Variants in IGSF11 observed in about 807,000 individuals in gnomAD.
IGSF11 encodes immunoglobulin superfamily member 11.
A neutral mutation model predicts 41.0 loss-of-function variants in IGSF11; 22 were observed. That is an observed-to-expected ratio of 0.54 (90% confidence interval 0.38 to 0.77). The LOEUF (loss-of-function observed/expected upper bound fraction) is 0.77. Among genes scored for constraint, IGSF11 ranks in the 30% least tolerant of loss-of-function variants. The pLI is 0.00. For synonymous variants in IGSF11, 219 were observed against 201.3 expected (o/e 1.09, Z -0.74); for missense variants, 444 against 530.8 (o/e 0.84, Z 1.61).
rs764581994 is a variant in IGSF11 at position 119,056,966 on chromosome 3, T to C, written c.49+48178A>G. Among the ~76,000 whole-genome samples the C allele has an allele frequency of 2.5e-4, 38 of 152,164 alleles. 1 individual carries two copies. The highest frequency in any genetic ancestry group is 4.9e-4 in the Non-Finnish European group (33 of 68,036). The stretch of plus-strand genomic sequence containing the variant: ...CTCAATAAATTAGGTATTGATGGGA[T>C]ATATCTCAAAATAATAAGAGCTATC... On this transcript the variant is annotated intron_variant, in intron 1 of 6. Coordinates refer to the IGSF11 transcript ENST00000354673.
In IGSF11 at chr3:119,034,829, C is replaced by T; in HGVS notation, c.-247G>A. On this transcript the variant is annotated 5_prime_UTR_variant, in exon 1 of 7. Transcript: ENST00000393775. The stretch of plus-strand genomic sequence containing the variant: ...TTCCGGGCTCGCCAGCCGTGCCACC[C>T]AGCCCTGCCCCAGGACTAGCCGACC... 1.6e-6 allele frequency: 2 copies of T among 1,247,804 alleles called. No individual in the cohort carries two copies. Among genetic ancestry groups the T allele is most frequent in the Non-Finnish European group, 1.0e-6 (1 of 995,496 alleles). 77.3% of individuals were successfully genotyped at this position (1,247,804 alleles called of 1,614,324 possible).
chr3:119,082,547 T>C (rs531264205), intron 1 of IGSF11, among the ~76,000 whole-genome samples: 6 of 152,260 alleles, frequency 3.9e-5, no homozygotes, highest in South Asian at 2.1e-4. Context: ...ATCAATACAA[T>C]AACATGTTTT....
intron 1 of IGSF11, among the ~76,000 whole-genome samples, chr3:119,009,384 A>C (rs867736549): frequency 7.2e-5 from 11 of 152,152 alleles, no homozygotes; most frequent in Admixed American, 6.5e-4. Context: ...CCACGTGTCA[A>C]GGGAGGGACC....
At chr3:118,927,704 G>C (rs1316304984) in intron 3 of IGSF11, among the ~76,000 whole-genome samples, 1 of 152,156 alleles carries the variant, frequency 6.6e-6, no homozygotes, top group African/African-American at 2.4e-5. Context: ...GGAGAATCAA[G>C]AACATCAACC....
intron 1 of IGSF11, among the ~76,000 whole-genome samples, chr3:119,004,719 T>C (rs1384782943): frequency 6.7e-6 from 1 of 148,638 alleles, no homozygotes; most frequent in African/African-American, 2.5e-5. Flanking sequence ...TTTCGTTATG[T>C]ACCCAGTAGT....
At chr3:119,127,396 G>A (rs1285486916) in intron 1 of IGSF11, among the ~76,000 whole-genome samples, 10 of 151,880 alleles carry the variant, frequency 6.6e-5, no homozygotes, top group Non-Finnish European at 8.8e-5. Flanking sequence ...CCAAATCTAC[G>A]ATTGATTGGA....
rs540914169 is a variant in IGSF11 at position 119,047,245 on chromosome 3, G to T, written c.49+57899C>A. Among the ~76,000 whole-genome samples, 636 of 151,920 alleles carry T rather than the reference G, an allele frequency of 4.2e-3. 4 individuals carry two copies. The highest frequency in any genetic ancestry group is 0.015 in the African/African-American group (608 of 41,380). ...AGACCCATCAGTGTGCTGTATTCAG[G>T]AAACCCATCTCATGTGCAGAGACAC... On this transcript the variant is annotated intron_variant, in intron 1 of 6. Coordinates refer to the IGSF11 transcript ENST00000354673.
chr3:119,144,115 A>G (rs948594489), intron 1 of IGSF11, among the ~76,000 whole-genome samples: 23 of 151,770 alleles, frequency 1.5e-4, no homozygotes, highest in African/African-American at 5.6e-4. Flanking sequence ...GCAGTGGCAC[A>G]ATCATGGCTC....
intron 1 of IGSF11, among the ~76,000 whole-genome samples, chr3:119,056,907 T>C (rs1941863753): frequency 6.6e-6 from 1 of 152,152 alleles, no homozygotes; most frequent in African/African-American, 2.4e-5. Context: ...AAAAGGCCTT[T>C]GACAAAATTC....
At chr3:119,124,353 A>C (rs1247048311) in intron 1 of IGSF11, among the ~76,000 whole-genome samples, 1 of 124,010 alleles carries the variant, frequency 8.1e-6, no homozygotes, top group African/African-American at 3.2e-5. Context: ...TGCAACCTCC[A>C]CCTCCCGGGT....
At chr3:119,096,559 C>T (rs950552464) in intron 1 of IGSF11, among the ~76,000 whole-genome samples, 9 of 152,312 alleles carry the variant, frequency 5.9e-5, no homozygotes, top group Middle Eastern at 3.4e-3. Context: ...TCTGAATCTT[C>T]TTGCAGATTA....
At chr3:118,927,163 C>T (rs1942399355) in intron 3 of IGSF11, among the ~76,000 whole-genome samples, 1 of 151,988 alleles carries the variant, frequency 6.6e-6, no homozygotes, top group East Asian at 1.9e-4. Flanking sequence ...TTAGAGAATC[C>T]TAACTACTGC....
intron 1 of IGSF11, among the ~76,000 whole-genome samples, chr3:119,022,672 C>A (rs1315019380): frequency 6.6e-6 from 1 of 152,116 alleles, no homozygotes; most frequent in Non-Finnish European, 1.5e-5. Context: ...CATACACACA[C>A]AGACACAATG....
At chr3:119,013,359 A>C (rs1938347274) in intron 1 of IGSF11, 1 of 152,228 alleles carries the variant, frequency 6.6e-6, no homozygotes, top group Non-Finnish European at 1.5e-5. Flanking sequence ...TTCCTCACAA[A>C]ACTCACACTC....
At chr3:119,005,126 G>C (rs560033402) in intron 1 of IGSF11, among the ~76,000 whole-genome samples, 27 of 148,068 alleles carry the variant, frequency 1.8e-4, no homozygotes, top group Admixed American at 1.5e-3. Flanking sequence ...CTCAGGACTT[G>C]CTTTATGAAT....
chr3:118,934,074 C>T (rs908246454), intron 1 of IGSF11, among the ~76,000 whole-genome samples: 28 of 152,188 alleles, frequency 1.8e-4, no homozygotes, highest in Admixed American at 3.3e-4. Flanking sequence ...TACTTCCCTA[C>T]ACCCCACAGT....
chr3:118,998,690 T>C (rs1936510873), intron 1 of IGSF11, among the ~76,000 whole-genome samples: 1 of 152,156 alleles, frequency 6.6e-6, no homozygotes, highest in East Asian at 1.9e-4. Flanking sequence ...TACAAGACTT[T>C]CAACTGCTGG....
At chr3:119,071,005 T>C (rs2076391037) in intron 1 of IGSF11, among the ~76,000 whole-genome samples, 2 of 152,122 alleles carry the variant, frequency 1.3e-5, no homozygotes, top group Admixed American at 1.3e-4. Context: ...CCCATATGAG[T>C]AGCACCCTCA....
chr3:119,135,558 AAAC>A (rs1300879668), intron 1 of IGSF11, among the ~76,000 whole-genome samples: 1 of 152,192 alleles, frequency 6.6e-6, no homozygotes. Context: ...AAAAGTCAGG[AAAC>A]AACAGATGCT....
Sources: gnomAD v4.1 joint callset for allele counts (sites outside exome capture counted in the v4.1 genomes callset) on GRCh38, gnomAD v4.1.1 for gene constraint, MANE v1.5 for transcripts, NCBI Gene and HGNC (gene_info 2026-07-23, HGNC 2026-07-21) for gene names.